USP7: variants seen among roughly 807,000 people sequenced by gnomAD.
USP7 encodes ubiquitin C-terminal hydrolase 7.
Under a neutral mutation model 162.9 loss-of-function variants are expected in USP7, and 9 were observed. The ratio of observed to expected loss-of-function variants is 0.06; its 90% CI spans 0.03 to 0.10. The LOEUF is 0.10. USP7 is among the 10% of genes least tolerant of loss of function. The pLI is 1.00. For missense variants in USP7, 715 were observed against 1,373.7 expected, an observed-to-expected ratio of 0.52 and a Z score of 7.58; for synonymous variants, 562 against 475.9, an observed-to-expected ratio of 1.18 and a Z score of -2.35.
intron 1 of USP7, chr16:8,936,714 T>C: frequency 1.4e-6 from 2 of 1,418,072 alleles, no homozygotes; most frequent in Non-Finnish European, 1.8e-6. Context: ...TACCTCAGCA[T>C]TCTTTTTTAT....
intron 1 of USP7, chr16:8,962,427 C>G (rs1900051147): frequency 2.3e-6 from 1 of 434,364 alleles, no homozygotes; most frequent in Non-Finnish European, 4.7e-6. Flanking sequence ...ATACCTCAAA[C>G]TACAGTGCCT....
chr16:8,910,990 G>A (rs1275432062), intron 10 of USP7, among the ~76,000 whole-genome samples, 163 bp from the exon 11 acceptor site: 1 of 152,256 alleles, frequency 6.6e-6, no homozygotes, highest in Non-Finnish European at 1.5e-5. Flanking sequence ...TAAATGTGCT[G>A]TTAGCACCTT....
intron 6 of USP7, 84 bp from the exon 7 acceptor site, chr16:8,917,240 T>TA (rs563346021): frequency 4.9e-6 from 7 of 1,441,608 alleles, no homozygotes; most frequent in Admixed American, 4.9e-5. Context: ...TCTTCATGTT[T>TA]AAAAAAATCA....
intron 2 of USP7, 88 bp from the exon 3 acceptor site, chr16:8,923,501 C>A (rs1486749663): frequency 2.9e-6 from 4 of 1,389,560 alleles, no homozygotes; most frequent in Admixed American, 2.2e-5. Context: ...CTGTTCTATA[C>A]ATCCTGATTT....
chr16:8,949,759 A>T (rs554889617), intron 1 of USP7: 82 of 152,258 alleles, frequency 5.4e-4, no homozygotes, highest in Admixed American at 8.5e-4. Context: ...CCTTACGCAG[A>T]GACACCTTAT....
intron 5 of USP7, 141 bp downstream of exon 5, chr16:8,920,218 G>A (rs1897612791): frequency 4.4e-6 from 3 of 683,110 alleles, no homozygotes; most frequent in Admixed American, 2.8e-5. Context: ...TCAAGCAGGT[G>A]TGACTCTGTG....
In USP7 at chr16:8,904,536, C is replaced by T. The variant is rs766321600; in HGVS notation, c.1603G>A (p.Asp535Asn). 6.2e-7 allele frequency: 1 copy of T among 1,614,142 alleles called. No homozygotes were observed. The highest frequency in any genetic ancestry group is 1.1e-5 in the South Asian group (1 of 91,084). ...SEVLQAVTDH[D>N]IPQQLVERLQ... ...CGCTCCACCAACTGCTGAGGAATAT[C>T]ATGGTCGGTGACCGCCTGTAAAACT... Residue 535 changes from aspartate to asparagine, a missense_variant, in exon 15 of 31, where the codon GAT becomes AAT. This residue lies in a region of USP7 where 197 missense variants were observed against 306.5 expected (regional missense o/e 0.64). Transcript: ENST00000344836.
intron 21 of USP7, chr16:8,899,959 G>A (rs1239610254): frequency 4.7e-6 from 3 of 644,138 alleles, no homozygotes; most frequent in Non-Finnish European, 8.1e-6. Context: ...CACTGAGCCA[G>A]GCGCAATGTA....
chr16:8,906,109 T>A (rs2061855770), intron 13 of USP7, among the ~76,000 whole-genome samples: 1 of 152,072 alleles, frequency 6.6e-6, no homozygotes, highest in African/African-American at 2.4e-5. Context: ...CCAGCCAGCC[T>A]CCCCGACTGG....
rs767573729 is a variant in USP7, at chr16:8,903,396, C to A, written c.1711G>T (p.Ala571Ser). 2.5e-6 allele frequency: 4 copies of A among 1,613,208 alleles called. No homozygotes were observed. The highest frequency in any genetic ancestry group is 2.7e-5 in the African/African-American group (2 of 74,874). The change falls in exon 16 of 31, where the codon GCA (alanine) becomes TCA (serine). Residue 571 changes from alanine to serine, a missense_variant. This residue lies in a region of USP7 where 197 missense variants were observed against 306.5 expected (regional missense o/e 0.64). Coordinates refer to ENST00000344836, the MANE Select transcript of USP7 (RefSeq NM_003470.3). ...TGGTGGCCACAAAACTGGTCCTCTG[C>A]GACTATCTGAAAATATGTATGAAAG... The part of the protein sequence containing the change: ...AHLYMQVQIV[A>S]EDQFCGHQGN...
chr16:8,894,192 G>A (rs1390557811), intron 30 of USP7, 88 bp from the exon 31 acceptor site: 1 of 1,254,680 alleles, frequency 8.0e-7, no homozygotes, highest in Non-Finnish European at 1.2e-6. Context: ...ATGCATCCCT[G>A]TGGCTCCCCA....
chr16:8,936,920 T>G (rs1323285974), intron 1 of USP7, among the ~76,000 whole-genome samples: 1 of 152,112 alleles, frequency 6.6e-6, no homozygotes, highest in Non-Finnish European at 1.5e-5. Context: ...AAACACTGTA[T>G]CAAACACTGG....
chr16:8,909,778 T>C (rs2061915606), intron 11 of USP7, among the ~76,000 whole-genome samples: 1 of 152,026 alleles, frequency 6.6e-6, no homozygotes, highest in Non-Finnish European at 1.5e-5. Flanking sequence ...ATACAAAAAT[T>C]AGTTGGGCAT....
chr16:8,902,683 T>A (rs1425434273), intron 16 of USP7, among the ~76,000 whole-genome samples: 1 of 150,056 alleles, frequency 6.7e-6, no homozygotes, highest in African/African-American at 2.5e-5. Context: ...AGGTCGGGAG[T>A]TCAAGACCAG....
chr16:8,895,784 A>C, intron 26 of USP7, 43 bp from the exon 27 acceptor site: 1 of 1,300,094 alleles, frequency 7.7e-7, no homozygotes, highest in Non-Finnish European at 1.1e-6. Flanking sequence ...TGAAGTATAT[A>C]TATTCACATA....
chr16:8,910,893 T>C (rs1013167244), intron 10 of USP7, 66 bp from the exon 11 acceptor site: 51 of 1,303,338 alleles, frequency 3.9e-5, no homozygotes, highest in Admixed American at 3.6e-4. Flanking sequence ...AACACAGGTG[T>C]AAGTTATTTA....
At chr16:8,908,242 T>C (rs2141185745) in intron 12 of USP7, 99 bp downstream of exon 12, 1 of 943,922 alleles carries the variant, frequency 1.1e-6, no homozygotes, top group East Asian at 2.5e-5. Flanking sequence ...ATAAATCAGA[T>C]GTGGGACTGA....
intron 21 of USP7, chr16:8,900,077 A>G: frequency 2.3e-6 from 1 of 427,046 alleles, no homozygotes; most frequent in East Asian, 4.9e-5. Flanking sequence ...CACAGACCTG[A>G]CAGGTGGTGG....
chr16:8,927,052 C>T (rs540121868), intron 2 of USP7, among the ~76,000 whole-genome samples: 12 of 152,294 alleles, frequency 7.9e-5, no homozygotes, highest in Admixed American at 4.6e-4. Flanking sequence ...CAGTGGCTCA[C>T]GCCTGTAATC....
Sources: allele counts gnomAD v4.1 joint callset (sites outside exome capture counted in the v4.1 genomes callset), GRCh38; gene constraint gnomAD v4.1.1; regional missense constraint gnomAD v4.1.1; transcripts MANE v1.5; gene names NCBI Gene and HGNC (gene_info 2026-07-23, HGNC 2026-07-21).